The following DYSF variants were observed in gnomAD, a reference collection of about 807,000 sequenced individuals.
DYSF encodes dystrophy-associated fer-1-like 1.
Under a neutral mutation model 274.9 loss-of-function variants are expected in DYSF, and 212 were observed. That is an observed-to-expected ratio of 0.77 (90% CI 0.69 to 0.86). The LOEUF is 0.86. DYSF is among the 40% of genes least tolerant of loss of function. The pLI is 0.00. For synonymous variants in DYSF, 1,091 were observed against 1,078.7 expected (o/e 1.01, Z -0.22); for missense variants, 2,666 against 2,783.2 (o/e 0.96, Z 0.95).
chr2:71,570,969 C>T, intron 29 of DYSF: 1 of 599,424 alleles, frequency 1.7e-6, no homozygotes, highest in South Asian at 1.9e-5. Flanking sequence ...CCAGCATACA[C>T]ACAGATCACA....
chr2:71,571,795 G>GCA (rs1491044429), intron 29 of DYSF, among the ~76,000 whole-genome samples: 2 of 112,612 alleles, frequency 1.8e-5, no homozygotes. Flanking sequence ...ATCACACCCA[G>GCA]CACACACAGC....
intron 29 of DYSF, among the ~76,000 whole-genome samples, chr2:71,571,381 ACAGT>A (rs1185556943): frequency 1.4e-4 from 20 of 144,326 alleles, no homozygotes; most frequent in Admixed American, 6.9e-4. Flanking sequence ...TGCACAGATC[ACAGT>A]CAGCACACAC....
intron 2 of DYSF, 139 bp downstream of exon 2, chr2:71,481,077 C>CTGTCACCTCT (rs2082844733): frequency 1.2e-6 from 1 of 846,444 alleles, no homozygotes; most frequent in African/African-American, 1.7e-5. Flanking sequence ...AGCCTGCCAA[C>CTGTCACCTCT]GAAATCCTTC....
At chr2:71,635,369 G>T (rs1471603132) in intron 41 of DYSF, among the ~76,000 whole-genome samples, 4 of 152,166 alleles carry the variant, frequency 2.6e-5, no homozygotes, top group African/African-American at 7.2e-5. Context: ...TGCTGTTTAG[G>T]CATTCCTGTA....
At position 71,681,044 on chromosome 2, in the gene DYSF, A is replaced by G. The variant is rs1332395128; in HGVS notation, c.6107A>G (p.His2036Arg). 1 of 1,614,206 alleles carries G rather than the reference A, an allele frequency of 6.2e-7. No individual in the cohort carries two copies. Among genetic ancestry groups the G allele is most frequent in the South Asian group, 1.1e-5 (1 of 91,088 alleles). The stretch of plus-strand genomic sequence containing the variant: ...TTGGAGATTGTAGCAGAGAGTGAGC[A>G]TGAGGAGCGGCCTGCTGGCCAGGGC... ...MTLEIVAESE[H>R]EERPAGQGRD... Residue 2036 changes from histidine to arginine, a missense_variant, in exon 54 of 56, where the codon CAT becomes CGT. Physicochemically the swap from His to Arg is conservative, Grantham distance 29. Around this residue, in one of 3 missense-constraint regions of DYSF, gnomAD observed 1,460 missense variants for 1,502.1 expected, o/e 0.97. Coordinates refer to ENST00000410020, the MANE Select transcript of DYSF (RefSeq NM_001130987.2).
intron 16 of DYSF, among the ~76,000 whole-genome samples, chr2:71,537,233 T>TTTTTG (rs1553536578): frequency 2.1e-5 from 3 of 142,926 alleles, no homozygotes; most frequent in Non-Finnish European, 4.6e-5. Flanking sequence ...GTTTTTTTTT[T>TTTTTG]TTTTTTTTTT....
chr2:71,630,081 T>C (rs533085202), intron 41 of DYSF, among the ~76,000 whole-genome samples: 1 of 152,152 alleles, frequency 6.6e-6, no homozygotes, highest in African/African-American at 2.4e-5. Flanking sequence ...TTTTTTTTCC[T>C]TGTGTTTATC....
Position 71,555,963 on chromosome 2 carries a change from A to G in DYSF, c.2110-2A>G. On this transcript the variant is annotated splice_acceptor_variant, in intron 21 of 55. Transcript: ENST00000410020. LOFTEE classifies it high-confidence loss of function. ...CCTGACCCTTGCCTGCCCATTCCAC[A>G]GGAAGCTGGCCTGGAGCAGGTCCAC... 3 of 1,557,988 alleles carry G rather than the reference A, an allele frequency of 1.9e-6. No individual in the cohort carries two copies. The highest frequency in any genetic ancestry group is 1.7e-6 in the Non-Finnish European group (2 of 1,150,204).
exon 1 of DYSF, chr2:71,453,635 C>T: frequency 2.9e-6 from 1 of 349,360 alleles, no homozygotes. Flanking sequence ...GGCCGCCGCC[C>T]AGCCAGGTGC....
upstream of DYSF, among the ~76,000 whole-genome samples, chr2:71,465,687 G>A (rs13431785): frequency 0.23 from 34,445 of 152,112 alleles, 4,341 homozygotes; most frequent in East Asian, 0.45. Flanking sequence ...GCAGCAGTGC[G>A]TTTAGGCTGA....
intron 4 of DYSF, among the ~76,000 whole-genome samples, chr2:71,505,936 A>G (rs758918310): frequency 8.5e-5 from 13 of 152,310 alleles, no homozygotes; most frequent in Non-Finnish European, 7.4e-5. Flanking sequence ...TGAGGCGGGC[A>G]GGACAGTGCT....
At chr2:71,574,804 T>C (rs959556863) in intron 30 of DYSF, among the ~76,000 whole-genome samples, 2 of 152,176 alleles carry the variant, frequency 1.3e-5, no homozygotes, top group Non-Finnish European at 2.9e-5. Context: ...CCCAGCAATT[T>C]TGGGGAAGAG....
chr2:71,549,854 C>A (rs1322385708), intron 17 of DYSF, among the ~76,000 whole-genome samples: 1 of 152,192 alleles, frequency 6.6e-6, no homozygotes, highest in African/African-American at 2.4e-5. Context: ...GCCCACCTAC[C>A]TGGGCCTCCC....
rs1237272381 is a variant in DYSF, at chr2:71,570,629, A to T, written c.3116A>T (p.Glu1039Val). 13 of 1,614,046 alleles carry T rather than the reference A, an allele frequency of 8.1e-6. No individual in the cohort carries two copies. Among genetic ancestry groups the T allele is most frequent in the Non-Finnish European group, 1.1e-5 (13 of 1,179,978 alleles). ...GWEYSITIPP[E>V]RKPKHWVPAE... is the part of the protein sequence containing the mutation. ...GAGTATAGCATCACCATCCCCCCGG[A>T]GCGGAAGCCGAAGCACTGGGTCCCT... The change falls in exon 29 of 56, where the codon GAG (glutamate) becomes GTG (valine). Residue 1039 changes from glutamate (E) to valine (V), a missense_variant. Around this residue, in one of 3 missense-constraint regions of DYSF, gnomAD observed 1,460 missense variants for 1,502.1 expected, o/e 0.97. Transcript: ENST00000410020.
chr2:71,516,537 C>G (rs1410371935), intron 9 of DYSF, among the ~76,000 whole-genome samples: 7 of 152,256 alleles, frequency 4.6e-5, no homozygotes, highest in Admixed American at 3.3e-4. Context: ...CTCAGCATCC[C>G]CCTGGGGCCT....
chr2:71,472,717 A>G (rs1289401388), intron 1 of DYSF, among the ~76,000 whole-genome samples: 1 of 152,226 alleles, frequency 6.6e-6, no homozygotes, highest in Non-Finnish European at 1.5e-5. Flanking sequence ...ACACTTTCTT[A>G]AGGTTCAAAT....
chr2:71,561,851 T>C lies in DYSF; in HGVS notation c.2316T>C (p.Ala772=), dbSNP rs141314294. ...ATCACCTGAGCCAAATCACTGAGGC[T>C]GCCCTGGCCCTGAAGCTCGGCCACA... ...RTHHLSQITE[A]ALALKLGHSE... is the part of the protein sequence containing the mutation. Residue 772 remains alanine (A), a synonymous_variant, in exon 23 of 56, where the codon GCT becomes GCC. Coordinates refer to ENST00000410020, the MANE Select transcript of DYSF (RefSeq NM_001130987.2). 3.5e-5 allele frequency: 56 copies of C among 1,614,010 alleles called. No individual in the cohort carries two copies. The highest frequency in any genetic ancestry group is 4.6e-5 in the Non-Finnish European group (54 of 1,180,008).
intron 40 of DYSF, among the ~76,000 whole-genome samples, chr2:71,617,462 G>A (rs923503225): frequency 6.6e-6 from 1 of 152,232 alleles, no homozygotes; most frequent in East Asian, 1.9e-4. Context: ...AGGACAGGGA[G>A]GCTTTCCTGG....
At chr2:71,542,725 G>T (rs1023824774) in intron 17 of DYSF, among the ~76,000 whole-genome samples, 7 of 152,158 alleles carry the variant, frequency 4.6e-5, no homozygotes, top group Non-Finnish European at 2.9e-5. Flanking sequence ...CAAGGCAGAA[G>T]AATTTTTCTT....
Sources: gnomAD v4.1 joint callset for allele counts (sites outside exome capture counted in the v4.1 genomes callset) on GRCh38, gnomAD v4.1.1 for gene constraint, gnomAD v4.1.1 regional missense constraint, MANE v1.5 for transcripts, NCBI Gene and HGNC (gene_info 2026-07-23, HGNC 2026-07-21) for gene names.